Variants in MINDY3 observed in about 807,000 individuals in gnomAD.
The protein encoded by MINDY3 is MINDY lysine 48 deubiquitinase 3, also known as ubiquitin carboxyl-terminal hydrolase MINDY-3.
In MINDY3, 38 loss-of-function variants were observed where a neutral mutation model predicts 69.2. The observed-to-expected ratio is 0.55, with a 90% CI of 0.42 to 0.72. The LOEUF is 0.72. Among genes scored for constraint, MINDY3 ranks in the 30% least tolerant of loss-of-function variants. MINDY3 has a pLI of 0.00. For missense variants in MINDY3, 522 were observed against 519.0 expected (o/e 1.01, Z -0.06); for synonymous variants, 192 against 180.1 (o/e 1.07, Z -0.53).
intron 14 of MINDY3, among the ~76,000 whole-genome samples, chr10:15,781,887 A>C (rs1748269199): frequency 6.6e-6 from 1 of 152,198 alleles, no homozygotes; most frequent in Non-Finnish European, 1.5e-5. Context: ...ATTTAGAAAC[A>C]CGCTACACTG....
chr10:15,839,654 A>G (rs114224008), intron 4 of MINDY3, among the ~76,000 whole-genome samples: 2,592 of 151,748 alleles, frequency 0.017, 53 homozygotes, highest in African/African-American at 0.056. Context: ...AACACAAGAA[A>G]AAGAACAAAG....
chr10:15,816,703 T>C (rs1839394227), intron 10 of MINDY3, 132 bp downstream of exon 10: 2 of 664,176 alleles, frequency 3.0e-6, no homozygotes, highest in South Asian at 3.7e-5. Flanking sequence ...GTATTAGTTT[T>C]TGAGATTTTT....
At chr10:15,802,212 T>C (rs916340052) in intron 10 of MINDY3, among the ~76,000 whole-genome samples, 5 of 152,052 alleles carry the variant, frequency 3.3e-5, no homozygotes, top group African/African-American at 1.2e-4. Flanking sequence ...CCAACTCCCA[T>C]GTTACTCAAG....
chr10:15,834,478 T>C, intron 7 of MINDY3, 65 bp downstream of exon 7: 1 of 1,121,664 alleles, frequency 8.9e-7, no homozygotes, highest in Non-Finnish European at 1.3e-6. Flanking sequence ...AGTCATGTTT[T>C]ATCTGAAGTC....
chr10:15,784,316 C>G (rs1836784409), intron 13 of MINDY3, among the ~76,000 whole-genome samples: 1 of 152,162 alleles, frequency 6.6e-6, no homozygotes, highest in Non-Finnish European at 1.5e-5. Flanking sequence ...CTGCATCAGC[C>G]TCTACATCAT....
At chr10:15,833,822 CAA>C in intron 7 of MINDY3, 113 bp from the exon 8 acceptor site, 1 of 734,832 alleles carries the variant, frequency 1.4e-6, no homozygotes, top group East Asian at 2.7e-5. Context: ...TAAGAATTTA[CAA>C]AGTTAGGGAA....
chr10:15,811,911 A>C (rs1165589087), intron 10 of MINDY3, among the ~76,000 whole-genome samples: 3 of 152,082 alleles, frequency 2.0e-5, no homozygotes, highest in Non-Finnish European at 2.9e-5. Flanking sequence ...ATTTGCAATA[A>C]TGCTTAATTT....
chr10:15,831,978 G>A (rs1002250528), intron 8 of MINDY3, among the ~76,000 whole-genome samples: 1 of 151,990 alleles, frequency 6.6e-6, no homozygotes, highest in Non-Finnish European at 1.5e-5. Context: ...GCCCGGACAT[G>A]GAGCCTCCTA....
At chr10:15,797,618 C>G (rs905049871) in intron 10 of MINDY3, among the ~76,000 whole-genome samples, 6 of 152,136 alleles carry the variant, frequency 3.9e-5, no homozygotes, top group African/African-American at 1.4e-4. Context: ...TATATTTGCA[C>G]AGCAGGTCAC....
At chr10:15,840,213 G>A (rs1833369556) in intron 4 of MINDY3, among the ~76,000 whole-genome samples, 1 of 151,578 alleles carries the variant, frequency 6.6e-6, no homozygotes, top group African/African-American at 2.4e-5. Flanking sequence ...AGTAAAACCT[G>A]GAGAATATGT....
At chr10:15,779,918 T>C (rs1836391771) in intron 14 of MINDY3, among the ~76,000 whole-genome samples, 1 of 152,192 alleles carries the variant, frequency 6.6e-6, no homozygotes, top group Non-Finnish European at 1.5e-5. Context: ...TTTGGACATA[T>C]CAACAAAAAC....
intron 10 of MINDY3, among the ~76,000 whole-genome samples, chr10:15,805,720 T>TCTGCC (rs1838592430): frequency 1.3e-5 from 2 of 152,296 alleles, no homozygotes; most frequent in Admixed American, 1.3e-4. Context: ...GCAGAAACTT[T>TCTGCC]AAGTGCCACT....
chr10:15,822,813 C>A (rs1482074992), intron 8 of MINDY3, among the ~76,000 whole-genome samples: 2 of 152,062 alleles, frequency 1.3e-5, no homozygotes, highest in Non-Finnish European at 2.9e-5. Context: ...TAAGTCAGAA[C>A]AGACACAACG....
At chr10:15,841,367 T>C (rs1833455717) in intron 4 of MINDY3, 59 bp downstream of exon 4, 3 of 1,342,468 alleles carry the variant, frequency 2.2e-6, no homozygotes, top group South Asian at 1.3e-5. Context: ...AAATATTCAA[T>C]AGATTCATTA....
chr10:15,783,938 T>C (rs1836749700), intron 13 of MINDY3, among the ~76,000 whole-genome samples: 2 of 152,210 alleles, frequency 1.3e-5, no homozygotes, highest in Admixed American at 1.3e-4. Context: ...AAAAGTAGTG[T>C]AGCCCACTGG....
rs879016312 is a variant in MINDY3, at chr10:15,782,095, TACTC to T, written c.1188+56_1188+59del. 64 of 1,194,666 alleles carry T rather than the reference TACTC, an allele frequency of 5.4e-5. 1 individual carries two copies. In the South Asian group the frequency reaches 7.3e-4, roughly 14 times the overall value. The allele number at this position is 1,194,666 out of a possible 1,614,324, so 74.0% of individuals were successfully genotyped here. On this transcript the variant is annotated intron_variant, in intron 14 of 14. Transcript: ENST00000277632. ...TGTACGGGAATCGAACATTGTTACATACTCACATAATTATTTCATCAACCCAGTT... is the reference window on the plus strand; with the variant it reads ...TGTACGGGAATCGAACATTGTTACATACATAATTATTTCATCAACCCAGTT...
intron 10 of MINDY3, among the ~76,000 whole-genome samples, chr10:15,811,654 T>C (rs568895234): frequency 1.3e-5 from 2 of 152,278 alleles, no homozygotes; most frequent in Admixed American, 6.5e-5. Flanking sequence ...AAATGTCAAT[T>C]TGTGCTTCAT....
At chr10:15,833,547 A>C (rs745698436) in intron 8 of MINDY3, 83 bp downstream of exon 8, 9 of 918,290 alleles carry the variant, frequency 9.8e-6, no homozygotes, top group Non-Finnish European at 1.6e-5. Flanking sequence ...ATGTAGAGCC[A>C]TTAAATAGAC....
intron 9 of MINDY3, among the ~76,000 whole-genome samples, chr10:15,819,726 C>T (rs1206346223): frequency 4.6e-5 from 7 of 152,162 alleles, no homozygotes; most frequent in African/African-American, 1.7e-4. Flanking sequence ...CAGAGTTTTG[C>T]CTTTCACCTA....
Sources: gnomAD v4.1 joint callset for allele counts (sites outside exome capture counted in the v4.1 genomes callset) on GRCh38, gnomAD v4.1.1 for gene constraint, MANE v1.5 for transcripts, NCBI Gene and HGNC (gene_info 2026-07-23, HGNC 2026-07-21) for gene names.